Variants in PTPN12 observed in about 807,000 individuals in gnomAD.
PTPN12 encodes the protein tyrosine-protein phosphatase non-receptor type 12.
In PTPN12, 29 loss-of-function variants were observed where a neutral mutation model predicts 97.6. The ratio of observed to expected loss-of-function variants is 0.30; its 90% CI spans 0.22 to 0.41. The LOEUF is 0.41. Ranked by LOEUF, PTPN12 falls within the 10% of genes least tolerant of loss-of-function variation. The pLI, the probability that PTPN12 is intolerant of heterozygous loss-of-function variation, is 1.00. For missense variants in PTPN12, 819 were observed against 926.0 expected, an observed-to-expected ratio of 0.88 and a Z score of 1.50; for synonymous variants, 327 against 300.4, an observed-to-expected ratio of 1.09 and a Z score of -0.91.
In PTPN12 at chr7:77,627,613, T is replaced by C; in HGVS notation, c.1934T>C (p.Val645Ala). ...ACTGAAAGCATTTCTACTAGGAAAG[T>C]ATTGCCAATGTCCATTGCTAGACAT... Reference protein sequence around the residue: ...TSTESISTRKVLPMSIARHNI... With the variant: ...TSTESISTRKALPMSIARHNI... Residue 645 changes from valine to alanine, a missense_variant, in exon 13 of 18, where the codon GTA becomes GCA. Physicochemically the swap from Val to Ala is moderately conservative, Grantham distance 64 (BLOSUM62 0). Transcript: ENST00000248594. 6.2e-7 allele frequency: 1 copy of C among 1,612,112 alleles called. No homozygotes were observed. Among genetic ancestry groups the C allele is most frequent in the Non-Finnish European group, 8.5e-7 (1 of 1,179,324 alleles).
At chr7:77,618,348 G>T in intron 11 of PTPN12, 132 bp from the exon 12 acceptor site, 1 of 587,664 alleles carries the variant, frequency 1.7e-6, no homozygotes, top group Non-Finnish European at 2.9e-6. Context: ...CAGAATATAA[G>T]ACTTTTTTTT....
intron 9 of PTPN12, among the ~76,000 whole-genome samples, chr7:77,609,270 TCTC>T (rs1441047285): frequency 4.2e-5 from 3 of 70,698 alleles, no homozygotes; most frequent in African/African-American, 3.0e-4. Context: ...GTTCTCTCTC[TCTC>T]TTTTTTTTTT....
intron 16 of PTPN12, among the ~76,000 whole-genome samples, chr7:77,637,464 A>G (rs1391154578): frequency 2.6e-5 from 4 of 152,332 alleles, no homozygotes; most frequent in African/African-American, 9.6e-5. Context: ...AAATTGTGAA[A>G]GAATGAATGA....
At chr7:77,550,975 A>G (rs1387063709) in intron 1 of PTPN12, among the ~76,000 whole-genome samples, 2 of 152,160 alleles carry the variant, frequency 1.3e-5, no homozygotes. Context: ...CATACTGGTA[A>G]AGCCATGTTT....
chr7:77,637,031 C>T lies in PTPN12; in HGVS notation c.2156C>T (p.Ser719Phe). ...EQKKSEGLIT[S>F]ENEKCDHPAG... is the part of the protein sequence containing the mutation. Reference sequence around the variant, plus strand: ...TCTTCCTCGTAGGGCTTGATAACCTCTGAAAATGAGAAATGTGGTAAGTTG... The same window carrying T: ...TCTTCCTCGTAGGGCTTGATAACCTTTGAAAATGAGAAATGTGGTAAGTTG... Residue 719 changes from serine (S) to phenylalanine (F), a missense_variant, in exon 16 of 18, where the codon TCT (serine) becomes TTT (phenylalanine). Transcript: ENST00000248594. 1 of 1,607,498 alleles carries T rather than the reference C, an allele frequency of 6.2e-7. No homozygotes were observed. Among genetic ancestry groups the T allele is most frequent in the Non-Finnish European group, 8.5e-7 (1 of 1,175,058 alleles).
chr7:77,626,505 C>G (rs10245582), intron 12 of PTPN12, among the ~76,000 whole-genome samples, 200 bp from the exon 13 acceptor site: 6 of 152,132 alleles, frequency 3.9e-5, no homozygotes, highest in Non-Finnish European at 8.8e-5. Flanking sequence ...GTTTTTCATT[C>G]AAAGTCTTGT....
chr7:77,568,847 A>AT (rs34490823), intron 1 of PTPN12, among the ~76,000 whole-genome samples: 2,788 of 152,296 alleles, frequency 0.018, 33 homozygotes, highest in Middle Eastern at 0.071. Flanking sequence ...TCAGATTCAA[A>AT]ATAATATTTT....
chr7:77,572,669 T>C (rs147559736), intron 2 of PTPN12, among the ~76,000 whole-genome samples: 2 of 152,334 alleles, frequency 1.3e-5, no homozygotes, highest in East Asian at 3.9e-4. Flanking sequence ...ACTCCACCAG[T>C]TGCTAGCTAT....
chr7:77,540,609 A>G (rs545149977), intron 1 of PTPN12, among the ~76,000 whole-genome samples: 43 of 149,070 alleles, frequency 2.9e-4, no homozygotes, highest in East Asian at 1.4e-3. Context: ...GTGATTCTAC[A>G]TTAGAGATTT....
intron 1 of PTPN12, chr7:77,537,981 G>GT (rs764138750): frequency 1.0e-4 from 101 of 973,602 alleles, no homozygotes; most frequent in Non-Finnish European, 1.2e-4. Flanking sequence ...TGCAGGCCGG[G>GT]GGGGGGGGCT....
At chr7:77,544,495 C>A (rs981257075) in intron 1 of PTPN12, among the ~76,000 whole-genome samples, 2 of 152,200 alleles carry the variant, frequency 1.3e-5, no homozygotes, top group African/African-American at 4.8e-5. Flanking sequence ...TAAGCATTCT[C>A]AAGAATGTTT....
intron 9 of PTPN12, among the ~76,000 whole-genome samples, chr7:77,609,564 C>G (rs970969105): frequency 1.3e-5 from 2 of 151,660 alleles, no homozygotes; most frequent in African/African-American, 4.8e-5. Context: ...GCCACTGCAC[C>G]CGGCCTAGTT....
intron 12 of PTPN12, among the ~76,000 whole-genome samples, chr7:77,624,410 G>A (rs1354624160): frequency 2.0e-5 from 3 of 152,018 alleles, no homozygotes; most frequent in Non-Finnish European, 2.9e-5. Context: ...AATGTGTCTA[G>A]AGAATCTGAA....
intron 12 of PTPN12, among the ~76,000 whole-genome samples, chr7:77,625,510 T>TCTCTCTCTCTCC (rs1789126670): frequency 1.0e-5 from 1 of 100,326 alleles, no homozygotes; most frequent in Non-Finnish European, 2.0e-5. Context: ...TCTCTCTCTC[T>TCTCTCTCTCTCC]CTCTCTCTCT....
At chr7:77,538,346 G>GT (rs1477433128) in intron 1 of PTPN12, among the ~76,000 whole-genome samples, 4 of 152,016 alleles carry the variant, frequency 2.6e-5, no homozygotes, top group African/African-American at 9.7e-5. Flanking sequence ...ATAAGTGTGG[G>GT]TGGGGGAATT....
intron 4 of PTPN12, chr7:77,583,927 G>A: frequency 3.5e-6 from 1 of 283,188 alleles, no homozygotes; most frequent in Non-Finnish European, 6.7e-6. Context: ...AAGCAGAAAA[G>A]GATTAGTGCT....
intron 6 of PTPN12, 94 bp downstream of exon 6, chr7:77,592,350 T>A: frequency 9.2e-7 from 1 of 1,089,512 alleles, no homozygotes; most frequent in Non-Finnish European, 1.3e-6. Context: ...CCCAGGCTTA[T>A]AGACGCCAAG....
intron 4 of PTPN12, among the ~76,000 whole-genome samples, chr7:77,584,020 C>G (rs1046635065): frequency 1.3e-5 from 2 of 152,166 alleles, no homozygotes; most frequent in African/African-American, 2.4e-5. Flanking sequence ...AAACACATAA[C>G]TATAAATAGA....
intron 1 of PTPN12, among the ~76,000 whole-genome samples, chr7:77,539,330 T>G (rs1436259560): frequency 6.6e-6 from 1 of 152,208 alleles, no homozygotes; most frequent in Non-Finnish European, 1.5e-5. Flanking sequence ...ATAATCTAAC[T>G]TATTCCTTAT....
Sources: gnomAD v4.1 joint callset for allele counts (sites outside exome capture counted in the v4.1 genomes callset) on GRCh38, gnomAD v4.1.1 for gene constraint, MANE v1.5 for transcripts, NCBI Gene and HGNC (gene_info 2026-07-23, HGNC 2026-07-21) for gene names.